Variants in LRP1B observed in about 807,000 individuals in gnomAD.
The protein encoded by LRP1B is LDL receptor related protein 1B.
LRP1B carries 217 observed loss-of-function variants against 556.6 expected under a neutral mutation model. The observed-to-expected ratio is 0.39, with a 90% CI of 0.35 to 0.44. LRP1B has a LOEUF of 0.44. Among genes scored for constraint, LRP1B ranks in the 20% least tolerant of loss-of-function variants. LRP1B has a pLI of 1.00. For synonymous variants in LRP1B, 2,047 were observed against 1,865.8 expected, an observed-to-expected ratio of 1.10 and a Z score of -2.50; for missense variants, 5,053 against 5,620.8, an observed-to-expected ratio of 0.90 and a Z score of 3.23.
At chr2:140,814,307 C>T (rs951933539) in intron 31 of LRP1B, among the ~76,000 whole-genome samples, 3 of 152,056 alleles carry the variant, frequency 2.0e-5, no homozygotes, top group Admixed American at 2.0e-4. Flanking sequence ...GACAGAGAAA[C>T]GTTATACTTT....
At chr2:140,693,582 C>A (rs1686320915) in intron 41 of LRP1B, among the ~76,000 whole-genome samples, 1 of 152,134 alleles carries the variant, frequency 6.6e-6, no homozygotes, top group South Asian at 2.1e-4. Context: ...AACACTCTCC[C>A]CCTTTAAGAT....
At chr2:141,184,800 C>G (rs1231571605) in intron 7 of LRP1B, among the ~76,000 whole-genome samples, 2 of 151,686 alleles carry the variant, frequency 1.3e-5, no homozygotes, top group Non-Finnish European at 2.9e-5. Flanking sequence ...CTCAGAGGTA[C>G]CCTATACTTT....
chr2:141,854,622 T>C (rs957516974), intron 1 of LRP1B, among the ~76,000 whole-genome samples: 1 of 152,030 alleles, frequency 6.6e-6, no homozygotes, highest in African/African-American at 2.4e-5. Flanking sequence ...AATAAAATAT[T>C]CCCTTAATCC....
chr2:140,544,533 C>G (rs757523527), intron 43 of LRP1B, among the ~76,000 whole-genome samples: 1 of 152,174 alleles, frequency 6.6e-6, no homozygotes, highest in Non-Finnish European at 1.5e-5. Context: ...TCCACGTGTT[C>G]TCATCATTTA....
rs1182797302 is a variant in LRP1B at position 140,510,057 on chromosome 2, C to G, written c.8270-1G>C. ...ATGTCAGCAGCACAGGTTATGGCAC[C>G]TGAAACACAAAAACATAATGCCATT... On this transcript the variant is annotated splice_acceptor_variant, in intron 51 of 90. Transcript: ENST00000389484. LOFTEE classifies it high-confidence loss of function. 3 of 1,612,596 alleles carry G rather than the reference C, an allele frequency of 1.9e-6. No individual in the cohort carries two copies. In the South Asian group the frequency reaches 3.3e-5, roughly 18 times the overall value.
intron 7 of LRP1B, among the ~76,000 whole-genome samples, chr2:141,066,092 A>G (rs1162733809): frequency 6.6e-6 from 1 of 152,034 alleles, no homozygotes; most frequent in Non-Finnish European, 1.5e-5. Flanking sequence ...AAAAATTAAT[A>G]TTAAAAGACA....
At chr2:141,750,529 A>C (rs1481917400) in intron 2 of LRP1B, among the ~76,000 whole-genome samples, 1 of 152,150 alleles carries the variant, frequency 6.6e-6, no homozygotes, top group African/African-American at 2.4e-5. Flanking sequence ...CAAGCCTTTC[A>C]AGCATTAGTC....
At chr2:141,492,015 G>C (rs1198304825) in intron 2 of LRP1B, among the ~76,000 whole-genome samples, 1 of 130,568 alleles carries the variant, frequency 7.7e-6, no homozygotes, top group Non-Finnish European at 1.6e-5. Flanking sequence ...AGTGATAATC[G>C]TTAAAGGAAT....
At position 141,285,703 on chromosome 2, in the gene LRP1B, A is replaced by G. The variant is rs1205417461; in HGVS notation, c.344-31062T>C. On this transcript the variant is annotated intron_variant, in intron 3 of 90. Transcript: ENST00000389484. Reference sequence around the variant, plus strand: ...TCCCCTTACCTCAGGTAATCCGCCCACCTCGGCCTCCCAAAGTGCTGGGAT... The same window carrying G: ...TCCCCTTACCTCAGGTAATCCGCCCGCCTCGGCCTCCCAAAGTGCTGGGAT... Among the ~76,000 whole-genome samples, 5 of 138,700 alleles carry G rather than the reference A, an allele frequency of 3.6e-5. No homozygotes were observed. The South Asian group carries it at 7.3e-4, about 20-fold the overall frequency. The allele number at this position is 138,700 out of a possible 152,430, so 91.0% of individuals were successfully genotyped here. A position where few individuals can be genotyped will look rare whatever the true frequency, so the allele number is the denominator to read the frequency against.
At chr2:141,872,712 T>A (rs1698628223) in intron 1 of LRP1B, among the ~76,000 whole-genome samples, 1 of 151,614 alleles carries the variant, frequency 6.6e-6, no homozygotes, top group Admixed American at 6.6e-5. Flanking sequence ...AGAAAAAAAA[T>A]CTGTGCTACT....
chr2:140,701,635 G>T (rs1343169022), intron 40 of LRP1B, 86 bp downstream of exon 40: 3 of 1,340,570 alleles, frequency 2.2e-6, no homozygotes, highest in Non-Finnish European at 3.1e-6. Flanking sequence ...ACTTATAGAA[G>T]AATTTCTAAG....
chr2:140,312,745 A>G (rs182084188), intron 83 of LRP1B, among the ~76,000 whole-genome samples: 1 of 152,028 alleles, frequency 6.6e-6, no homozygotes, highest in Admixed American at 6.6e-5. Flanking sequence ...ATCTTTTTGT[A>G]TGAATATAGC....
chr2:140,572,813 A>AAAATG (rs1422920476), intron 43 of LRP1B, among the ~76,000 whole-genome samples: 1 of 150,622 alleles, frequency 6.6e-6, no homozygotes, highest in African/African-American at 2.4e-5. Context: ...AAAATAAAAT[A>AAAATG]AAATAAAATA....
At chr2:141,577,669 G>A (rs1686801360) in intron 2 of LRP1B, among the ~76,000 whole-genome samples, 1 of 152,082 alleles carries the variant, frequency 6.6e-6, no homozygotes, top group South Asian at 2.1e-4. Context: ...GTGAAAATTT[G>A]GAACACGTGA....
At chr2:140,440,991 A>G (rs1380730681) in intron 66 of LRP1B, among the ~76,000 whole-genome samples, 1 of 152,084 alleles carries the variant, frequency 6.6e-6, no homozygotes, top group African/African-American at 2.4e-5. Flanking sequence ...AAGTTACAGA[A>G]CCTCTTTGTG....
chr2:141,879,503 T>G (rs533141879), intron 1 of LRP1B, among the ~76,000 whole-genome samples: 1 of 152,074 alleles, frequency 6.6e-6, no homozygotes, highest in African/African-American at 2.4e-5. Flanking sequence ...TATTTTAAAC[T>G]TTGGATAAGG....
At chr2:140,772,161 T>A (rs1259667405) in intron 33 of LRP1B, among the ~76,000 whole-genome samples, 1 of 152,124 alleles carries the variant, frequency 6.6e-6, no homozygotes, top group African/African-American at 2.4e-5. Context: ...ATGATTACAT[T>A]TATCCTATAT....
intron 3 of LRP1B, among the ~76,000 whole-genome samples, chr2:141,430,155 A>C (rs35692419): frequency 0.14 from 21,926 of 151,354 alleles, 1,788 homozygotes; most frequent in South Asian, 0.27. Flanking sequence ...ATAAAAGGAA[A>C]TTTTACTGTC....
chr2:141,444,748 A>G (rs10211516), intron 3 of LRP1B, among the ~76,000 whole-genome samples: 72,421 of 151,986 alleles, frequency 0.48, 17,522 homozygotes, highest in East Asian at 0.69. Flanking sequence ...TCCACATGTT[A>G]AACCAACCTT....
Sources: gnomAD v4.1 joint callset for allele counts (sites outside exome capture counted in the v4.1 genomes callset) on GRCh38, gnomAD v4.1.1 for gene constraint, MANE v1.5 for transcripts, NCBI Gene and HGNC (gene_info 2026-07-23, HGNC 2026-07-21) for gene names.